The following THSD7A variants were observed in gnomAD, a reference collection of about 807,000 sequenced individuals.
THSD7A encodes thrombospondin type-1 domain-containing protein 7A.
THSD7A carries 96 observed loss-of-function variants against 231.3 expected under a neutral mutation model. The observed-to-expected ratio is 0.41, with a 90% CI of 0.35 to 0.49. THSD7A has a LOEUF of 0.49. THSD7A is among the 20% of genes least tolerant of loss of function. The pLI is 0.05. For synonymous variants in THSD7A, 940 were observed against 743.3 expected, an observed-to-expected ratio of 1.26 and a Z score of -4.30; for missense variants, 2,290 against 2,070.2, an observed-to-expected ratio of 1.11 and a Z score of -2.06.
rs996477471 is a variant in THSD7A at position 11,831,858 on chromosome 7, A to AGCGGCAGCG, written c.80_88dup (p.Pro27_Pro29dup). On this transcript the variant is annotated inframe_insertion, in exon 1 of 28. Coordinates refer to ENST00000423059, the MANE Select transcript of THSD7A (RefSeq NM_015204.3). This position sits in a 1 kb window ranked among gnomAD's most constrained non-coding sequence, Gnocchi z 5.0. ...CAGCAGCAGGAGCAGCGGCAGCGGC[A>AGCGGCAGCG]GCGGCAGCGGCAGCAGCTGCAGGAC... 7 of 1,304,380 alleles carry AGCGGCAGCG rather than the reference A, an allele frequency of 5.4e-6. No individual in the cohort carries two copies. The African/African-American group carries it at 9.2e-5, about 17-fold the overall frequency. 80.8% of individuals were successfully genotyped at this position (1,304,380 alleles called of 1,614,324 possible).
intron 23 of THSD7A, among the ~76,000 whole-genome samples, chr7:11,394,405 A>G (rs1300609027): frequency 6.6e-6 from 1 of 152,070 alleles, no homozygotes; most frequent in Non-Finnish European, 1.5e-5. Flanking sequence ...GCAAACATGT[A>G]GATCAGTCAG....
At chr7:11,813,513 A>G (rs1784590632) in intron 1 of THSD7A, among the ~76,000 whole-genome samples, 1 of 152,058 alleles carries the variant, frequency 6.6e-6, no homozygotes. Flanking sequence ...GGAGATCCAG[A>G]CCATCCTGGC....
At chr7:11,519,892 T>C (rs1433130936) in intron 6 of THSD7A, among the ~76,000 whole-genome samples, 1 of 152,184 alleles carries the variant, frequency 6.6e-6, no homozygotes, top group African/African-American at 2.4e-5. Flanking sequence ...GCTCTTCAAA[T>C]TTATTTTCAA....
intron 1 of THSD7A, among the ~76,000 whole-genome samples, chr7:11,731,739 T>C (rs1219518965): frequency 3.3e-5 from 5 of 151,694 alleles, no homozygotes; most frequent in Admixed American, 6.6e-5. Context: ...AATCAAGGTA[T>C]AGACTAAATC....
At chr7:11,486,903 C>T (rs762899681) in intron 6 of THSD7A, among the ~76,000 whole-genome samples, 17 of 152,050 alleles carry the variant, frequency 1.1e-4, no homozygotes, top group African/African-American at 1.7e-4. Flanking sequence ...TACTTTGAGG[C>T]CTTAACTGAA....
At chr7:11,749,130 G>C (rs373817205) in intron 1 of THSD7A, among the ~76,000 whole-genome samples, 2 of 151,954 alleles carry the variant, frequency 1.3e-5, no homozygotes, top group African/African-American at 4.8e-5. Flanking sequence ...GGCCCATATG[G>C]CCTTGCTTAT....
At chr7:11,824,534 T>C (rs943266924) in intron 1 of THSD7A, among the ~76,000 whole-genome samples, 1 of 152,132 alleles carries the variant, frequency 6.6e-6, no homozygotes, top group Non-Finnish European at 1.5e-5. Flanking sequence ...GATTGAGGGC[T>C]GCCATCATTT....
intron 1 of THSD7A, among the ~76,000 whole-genome samples, chr7:11,792,904 A>G (rs1422712399): frequency 6.6e-6 from 1 of 151,972 alleles, no homozygotes; most frequent in Non-Finnish European, 1.5e-5. Flanking sequence ...ATTTGCACAA[A>G]CAGGTGATGG....
chr7:11,458,255 G>T (rs1475283148), intron 11 of THSD7A, among the ~76,000 whole-genome samples: 3 of 151,994 alleles, frequency 2.0e-5, no homozygotes, highest in Non-Finnish European at 2.9e-5. Context: ...CAAGAACTTG[G>T]CGAGTAAATA....
chr7:11,655,775 T>C (rs186544752), intron 1 of THSD7A, among the ~76,000 whole-genome samples: 2 of 152,070 alleles, frequency 1.3e-5, no homozygotes, highest in East Asian at 3.9e-4. Flanking sequence ...AATACTCTGC[T>C]AAGTCATCTC....
rs575015460 is a variant in THSD7A at position 11,746,141 on chromosome 7, T to C, written c.190+85616A>G. Among the ~76,000 whole-genome samples the C allele has an allele frequency of 2.0e-5, 3 of 151,992 alleles. No homozygotes were observed. The South Asian group carries it at 6.2e-4, about 31-fold the overall frequency. ...ATCAACCTTTTAATTAATTGAAGACTATATTCTCTTGGAATTTTTAATTGT... is the reference window on the plus strand; with the variant it reads ...ATCAACCTTTTAATTAATTGAAGACCATATTCTCTTGGAATTTTTAATTGT... On this transcript the variant is annotated intron_variant, in intron 1 of 27. Coordinates refer to ENST00000423059, the MANE Select transcript of THSD7A (RefSeq NM_015204.3).
intron 1 of THSD7A, among the ~76,000 whole-genome samples, chr7:11,705,604 T>C (rs887868817): frequency 2.0e-5 from 3 of 150,926 alleles, no homozygotes; most frequent in Non-Finnish European, 4.5e-5. Flanking sequence ...TGGAGGGAAG[T>C]AGGATTATTT....
intron 1 of THSD7A, among the ~76,000 whole-genome samples, chr7:11,667,645 TC>T (rs1783194706): frequency 1.3e-5 from 2 of 152,260 alleles, no homozygotes; most frequent in East Asian, 1.9e-4. Context: ...AAGGAGAGGT[TC>T]TTTTTGGGCC....
At chr7:11,596,291 C>T (rs761384605) in intron 2 of THSD7A, among the ~76,000 whole-genome samples, 8 of 152,152 alleles carry the variant, frequency 5.3e-5, no homozygotes, top group Middle Eastern at 3.2e-3. Flanking sequence ...GACACTGGCT[C>T]GGAGCTGACA....
intron 2 of THSD7A, among the ~76,000 whole-genome samples, chr7:11,618,556 T>A (rs548703843): frequency 6.6e-6 from 1 of 151,866 alleles, no homozygotes; most frequent in Non-Finnish European, 1.5e-5. Flanking sequence ...AATCCCAGCA[T>A]CTTGGGAGGC....
rs147897123 is a variant in THSD7A at position 11,696,322 on chromosome 7, T to C, written c.191-59361A>G. Among the ~76,000 whole-genome samples the C allele has an allele frequency of 4.1e-3, 628 of 151,642 alleles. 4 individuals are homozygous for C. The highest frequency in any genetic ancestry group is 0.014 in the African/African-American group (597 of 41,478). On this transcript the variant is annotated intron_variant, in intron 1 of 27. Coordinates refer to ENST00000423059, the MANE Select transcript of THSD7A (RefSeq NM_015204.3). The stretch of plus-strand genomic sequence containing the variant: ...TTACTATAGAAAAAAATAGCACACT[T>C]CTTGTGTGACTTCATTAAGCATATT...
chr7:11,564,615 C>T lies in THSD7A; in HGVS notation c.1454-21498G>A, dbSNP rs113040905. ...ACCATCTTAGCAGACAGAAACTCCTCCCAGGGTCTAGAGTCTAGATGGGCT... is the reference window on the plus strand; with the variant it reads ...ACCATCTTAGCAGACAGAAACTCCTTCCAGGGTCTAGAGTCTAGATGGGCT... On this transcript the variant is annotated intron_variant, in intron 4 of 27. Coordinates refer to ENST00000423059, the MANE Select transcript of THSD7A (RefSeq NM_015204.3). Among the ~76,000 whole-genome samples the T allele has an allele frequency of 8.2e-3, 1,242 of 152,216 alleles. 16 individuals are homozygous for T. Among genetic ancestry groups the T allele is most frequent in the African/African-American group, 0.029 (1,189 of 41,516 alleles).
intron 2 of THSD7A, among the ~76,000 whole-genome samples, chr7:11,616,607 C>T (rs764959832): frequency 3.3e-5 from 5 of 152,190 alleles, no homozygotes; most frequent in Non-Finnish European, 5.9e-5. Context: ...TTTTCTCTTA[C>T]TCACTTAAGT....
intron 6 of THSD7A, among the ~76,000 whole-genome samples, chr7:11,509,699 G>A (rs6946588): frequency 0.11 from 16,891 of 149,964 alleles, 1,024 homozygotes; most frequent in Middle Eastern, 0.15. Context: ...GCGGGTGCCT[G>A]TAGTCCCAGC....
Sources: allele counts gnomAD v4.1 joint callset (sites outside exome capture counted in the v4.1 genomes callset), GRCh38; gene constraint gnomAD v4.1.1; non-coding constraint Gnocchi (gnomAD v3.1); transcripts MANE v1.5; gene names NCBI Gene and HGNC (gene_info 2026-07-23, HGNC 2026-07-21).